HS6ST3: variants seen among roughly 807,000 people sequenced by gnomAD.
The protein encoded by HS6ST3 is heparan sulfate 6-O-sulfotransferase 3.
HS6ST3 carries 12 observed loss-of-function variants against 36.7 expected under a neutral mutation model. The observed-to-expected ratio is 0.33, with a 90% confidence interval of 0.21 to 0.53. HS6ST3 has a LOEUF of 0.53. HS6ST3 is among the 20% of genes least tolerant of loss of function. The pLI is 0.95. For synonymous variants in HS6ST3, 240 were observed against 257.5 expected (o/e 0.93, Z 0.65); for missense variants, 584 against 640.9 (o/e 0.91, Z 0.96).
chr13:96,110,460 G>A (rs1480672451), intron 1 of HS6ST3, among the ~76,000 whole-genome samples: 3 of 143,966 alleles, frequency 2.1e-5, no homozygotes, highest in South Asian at 2.2e-4. Context: ...TTTTTGAGAC[G>A]GTGTCTCACT....
At chr13:96,237,349 C>T (rs1012579804) in intron 1 of HS6ST3, among the ~76,000 whole-genome samples, 4 of 151,808 alleles carry the variant, frequency 2.6e-5, no homozygotes, top group South Asian at 2.1e-4. Context: ...GAAAATATCC[C>T]TCCTCTTCCT....
chr13:96,317,011 A>G (rs1160010316), intron 1 of HS6ST3, among the ~76,000 whole-genome samples: 1 of 152,008 alleles, frequency 6.6e-6, no homozygotes, highest in Non-Finnish European at 1.5e-5. Flanking sequence ...GTCAACTTTT[A>G]TTTTAGATAC....
intron 1 of HS6ST3, among the ~76,000 whole-genome samples, chr13:96,746,408 C>T (rs1040653427): frequency 2.0e-5 from 3 of 151,926 alleles, no homozygotes; most frequent in African/African-American, 7.3e-5. Flanking sequence ...TCCCCAAATT[C>T]TAAAGGTGTA....
At position 96,274,839 on chromosome 13, in the gene HS6ST3, TCACACACACACACACACA is replaced by T. The variant is rs60430769; in HGVS notation, c.707+183308_707+183325del. On this transcript the variant is annotated intron_variant, in intron 1 of 1. Transcript: ENST00000376705. The stretch of plus-strand genomic sequence containing the variant: ...ATCAGTGATTAGCTAACTTAGTCCT[TCACACACACACACACACA>T]CACACACACACACACACACACACAC... Among the ~76,000 whole-genome samples the T allele has an allele frequency of 2.4e-3, 306 of 126,182 alleles. 5 individuals are homozygous for T. In the East Asian group the frequency reaches 0.046, roughly 19 times the overall value. The allele number at this position is 126,182 out of a possible 152,430, so 82.8% of individuals were successfully genotyped here. A position where few individuals can be genotyped will look rare whatever the true frequency, so the allele number is the denominator to read the frequency against.
At chr13:96,536,941 T>C (rs1366815667) in intron 1 of HS6ST3, among the ~76,000 whole-genome samples, 1 of 152,208 alleles carries the variant, frequency 6.6e-6, no homozygotes, top group African/African-American at 2.4e-5. Flanking sequence ...ATTTGAATAG[T>C]CATTATTTAA....
chr13:96,661,258 G>T (rs1729324348), intron 1 of HS6ST3, among the ~76,000 whole-genome samples: 1 of 152,096 alleles, frequency 6.6e-6, no homozygotes, highest in Non-Finnish European at 1.5e-5. Context: ...CACCATTATT[G>T]TATTTTGGTC....
At position 96,833,058 on chromosome 13, in the gene HS6ST3, G is replaced by C; in HGVS notation, c.1276G>C (p.Glu426Gln). 6.2e-7 allele frequency: 1 copy of C among 1,613,256 alleles called. No individual in the cohort carries two copies. The highest frequency in any genetic ancestry group is 8.5e-7 in the Non-Finnish European group (1 of 1,180,022). Residue 426 changes from glutamate to glutamine, a missense_variant, in exon 2 of 2, where the codon GAG becomes CAG. Transcript: ENST00000376705. ...QQRYHHTKQL[E>Q]HQRDRQKRRE... ...GCGCTACCACCACACCAAGCAGCTA[G>C]AGCACCAGAGGGACCGCCAGAAGCG...
chr13:96,839,539 A>G lies in HS6ST3; in HGVS notation c.*6341A>G, dbSNP rs1195600378. 1 of 152,228 alleles carries G rather than the reference A, an allele frequency of 6.6e-6. No individual in the cohort carries two copies. Among genetic ancestry groups the G allele is most frequent in the Non-Finnish European group, 1.5e-5 (1 of 68,046 alleles). 9.4% of individuals were successfully genotyped at this position (152,228 alleles called of 1,614,324 possible). ...AATTTAATGAATAAGTTAAAATATT[A>G]AACTGTTGTGATGTCAAGAGCAATT... On this transcript the variant is annotated 3_prime_UTR_variant, in exon 2 of 2. Transcript: ENST00000376705.
chr13:96,548,437 A>G (rs568895178), intron 1 of HS6ST3, among the ~76,000 whole-genome samples: 1 of 152,178 alleles, frequency 6.6e-6, no homozygotes, highest in South Asian at 2.1e-4. Flanking sequence ...TGTCACCCCA[A>G]ACTGTCTTTT....
intron 1 of HS6ST3, among the ~76,000 whole-genome samples, chr13:96,141,090 T>C (rs1449412882): frequency 1.3e-5 from 2 of 152,062 alleles, no homozygotes; most frequent in Non-Finnish European, 2.9e-5. Context: ...ACAAAAGATA[T>C]GTATTAGGAA....
intron 1 of HS6ST3, among the ~76,000 whole-genome samples, chr13:96,374,867 T>C (rs956524288): frequency 6.6e-6 from 1 of 152,118 alleles, no homozygotes; most frequent in Non-Finnish European, 1.5e-5. Flanking sequence ...TATTATTATT[T>C]TCTTCTAACT....
chr13:96,522,534 T>C (rs768255351), intron 1 of HS6ST3, among the ~76,000 whole-genome samples: 17 of 152,234 alleles, frequency 1.1e-4, no homozygotes, highest in Non-Finnish European at 2.1e-4. Flanking sequence ...TGGGTGCTCC[T>C]GTATTGGGTG....
chr13:96,521,108 CAT>C (rs1371550903), intron 1 of HS6ST3, among the ~76,000 whole-genome samples: 2 of 152,116 alleles, frequency 1.3e-5, no homozygotes, highest in African/African-American at 4.8e-5. Context: ...TTGAGATAAT[CAT>C]GTGGTTTTTG....
intron 1 of HS6ST3, among the ~76,000 whole-genome samples, chr13:96,404,518 G>A (rs968160755): frequency 1.3e-5 from 2 of 152,128 alleles, no homozygotes; most frequent in African/African-American, 2.4e-5. Flanking sequence ...TTGTGATGAA[G>A]GATTAGGGAA....
At chr13:96,300,118 G>A (rs2054874743) in intron 1 of HS6ST3, among the ~76,000 whole-genome samples, 1 of 137,950 alleles carries the variant, frequency 7.2e-6, no homozygotes, top group South Asian at 2.4e-4. Context: ...GTGCAGTGGT[G>A]TGATCTGGGC....
At chr13:96,220,449 C>G (rs377256440) in intron 1 of HS6ST3, among the ~76,000 whole-genome samples, 13 of 152,254 alleles carry the variant, frequency 8.5e-5, no homozygotes, top group African/African-American at 3.1e-4. Flanking sequence ...TCACAGTCAT[C>G]CGAAGTCATT....
rs547531876 is a variant in HS6ST3 at position 96,386,479 on chromosome 13, C to G, written c.707+294910C>G. Reference sequence around the variant, plus strand: ...CTTTTTTTTGTTCTTTTCCCCCCAGCTTTATTGAGGAATAATTGACAACTA... The same window carrying G: ...CTTTTTTTTGTTCTTTTCCCCCCAGGTTTATTGAGGAATAATTGACAACTA... On this transcript the variant is annotated intron_variant, in intron 1 of 1. Coordinates refer to ENST00000376705, the MANE Select transcript of HS6ST3 (RefSeq NM_153456.4). Among the ~76,000 whole-genome samples the G allele has an allele frequency of 8.5e-5, 13 of 152,216 alleles. No individual in the cohort carries two copies. The South Asian group carries it at 2.5e-3, about 29-fold the overall frequency.
chr13:96,148,780 A>T (rs1212116829), intron 1 of HS6ST3, among the ~76,000 whole-genome samples: 5 of 152,244 alleles, frequency 3.3e-5, no homozygotes, highest in African/African-American at 4.8e-5. Context: ...AGAGCTGCAC[A>T]TTGGAAATGT....
chr13:96,568,087 G>A (rs977393399), intron 1 of HS6ST3, among the ~76,000 whole-genome samples: 6 of 152,236 alleles, frequency 3.9e-5, no homozygotes, highest in East Asian at 1.9e-4. Flanking sequence ...AAACGTGCAT[G>A]TCTTATGACC....
Sources: allele counts gnomAD v4.1 joint callset (sites outside exome capture counted in the v4.1 genomes callset), GRCh38; gene constraint gnomAD v4.1.1; transcripts MANE v1.5; gene names NCBI Gene and HGNC (gene_info 2026-07-23, HGNC 2026-07-21).